GTPBP3: variants seen among roughly 807,000 people sequenced by gnomAD.
The protein encoded by GTPBP3 is GTP binding protein 3, mitochondrial.
GTPBP3 carries 35 observed loss-of-function variants against 42.0 expected under a neutral mutation model. The ratio of observed to expected loss-of-function variants is 0.83; its 90% CI spans 0.64 to 1.10. The LOEUF is 1.10. Ranked by LOEUF, GTPBP3 falls within the 50% of genes least tolerant of loss-of-function variation. GTPBP3 has a pLI of 0.00. For missense variants in GTPBP3, 691 were observed against 685.2 expected, an observed-to-expected ratio of 1.01 and a Z score of -0.09; for synonymous variants, 332 against 314.9, an observed-to-expected ratio of 1.05 and a Z score of -0.58.
chr19:17,340,696 CTCTT>C (rs2074420697), intron 7 of GTPBP3, among the ~76,000 whole-genome samples: 1 of 150,936 alleles, frequency 6.6e-6, no homozygotes, highest in African/African-American at 2.4e-5. Context: ...TGCTCTGCCC[CTCTT>C]GCTCTGCCCC....
chr19:17,336,849 C>G (rs2074372968), upstream of GTPBP3: 2 of 152,192 alleles, frequency 1.3e-5, no homozygotes, highest in African/African-American at 4.8e-5. Context: ...AGACAGAGAG[C>G]CAAGGAAGTC....
At chr19:17,341,396 C>A in intron 8 of GTPBP3, 74 bp downstream of exon 8, 1 of 1,555,754 alleles carries the variant, frequency 6.4e-7, no homozygotes, top group Non-Finnish European at 8.7e-7. Context: ...AATTTCTGAA[C>A]CTACAAAATG....
chr19:17,335,028 C>G, upstream of GTPBP3: 1 of 1,536,186 alleles, frequency 6.5e-7, no homozygotes, highest in Non-Finnish European at 8.7e-7. Context: ...AACTTGTCCC[C>G]ACCCATGCTT....
upstream of GTPBP3, chr19:17,337,155 G>A (rs2074375070): frequency 6.4e-6 from 1 of 156,918 alleles, no homozygotes; most frequent in African/African-American, 2.4e-5. Flanking sequence ...TGAACGTAAA[G>A]AGGTGTAGTC....
chr19:17,338,957 C>T lies in GTPBP3; in HGVS notation c.595C>T (p.Leu199=). The T allele has an allele frequency of 6.3e-7, 1 of 1,598,370 alleles. No individual in the cohort carries two copies. The highest frequency in any genetic ancestry group is 8.5e-7 in the Non-Finnish European group (1 of 1,170,464). Residue 199 remains leucine (L), a synonymous_variant, in exon 5 of 9, where the codon CTG becomes TTG. Transcript: ENST00000324894. The part of the protein sequence containing the change: ...RGWAETLTKA[L]AHVEAYIDFG... ...TCTGCTCTCCCTGCCCCGCCAGGCT[C>T]TGGCCCACGTGGAGGCCTATATCGA...
chr19:17,341,607 G>C lies in GTPBP3; in HGVS notation c.1383G>C (p.Leu461=). ...ACCTGGCCCTGGCGGCAGAGGCGCT[G>C]CGGGTGGCCCGGGGTCACCTGACCC... The part of the protein sequence containing the change: ...SKDLALAAEA[L]RVARGHLTRL... Residue 461 remains leucine (L), a synonymous_variant, in exon 9 of 9, where the codon CTG becomes CTC. Transcript: ENST00000324894. The C allele has an allele frequency of 6.2e-7, 1 of 1,613,916 alleles. No individual in the cohort carries two copies. Among genetic ancestry groups the C allele is most frequent in the South Asian group, 1.1e-5 (1 of 91,074 alleles).
rs62128107 is a variant in GTPBP3, at chr19:17,339,769, C to T, written c.974+170C>T. Among the ~76,000 whole-genome samples the T allele has an allele frequency of 0.12, 17,279 of 144,014 alleles. 1,183 individuals are homozygous for T. Among genetic ancestry groups the T allele is most frequent in the Middle Eastern group, 0.17 (48 of 278 alleles). 94.5% of individuals were successfully genotyped at this position (144,014 alleles called of 152,430 possible). ...TTTTTTTTTTTTTTTTACTCCGAGA[C>T]CGAGTCTTGCTCTGTCGCCCAGGCT... On this transcript the variant is annotated intron_variant, in intron 7 of 8. Coordinates refer to ENST00000324894, the MANE Select transcript of GTPBP3 (RefSeq NM_032620.4).
chr19:17,338,895 G>A (rs2145701621), intron 4 of GTPBP3, 59 bp from the exon 5 acceptor site: 2 of 1,549,464 alleles, frequency 1.3e-6, no homozygotes, highest in African/African-American at 1.4e-5. Flanking sequence ...GGACAAATTG[G>A]GTGTGGGAAG....
chr19:17,339,315 C>G (rs777142267), intron 6 of GTPBP3, 49 bp downstream of exon 6: 5 of 1,581,314 alleles, frequency 3.2e-6, no homozygotes, highest in Non-Finnish European at 4.3e-6. Context: ...GGGGCGGGGC[C>G]AAGAGCTGGG....
chr19:17,341,828 G>A lies in GTPBP3; in HGVS notation c.*125G>A. ...AAGAACTTGATTCTCAAATAGTGAA[G>A]CAACACAGCTGAGAGGTAGTGAGAT... On this transcript the variant is annotated 3_prime_UTR_variant, in exon 9 of 9. Coordinates refer to ENST00000324894, the MANE Select transcript of GTPBP3 (RefSeq NM_032620.4). 1 of 826,776 alleles carries A rather than the reference G, an allele frequency of 1.2e-6. No homozygotes were observed. Among genetic ancestry groups the A allele is most frequent in the South Asian group, 1.9e-5 (1 of 52,968 alleles). The allele number at this position is 826,776 out of a possible 1,614,324, so 51.2% of individuals were successfully genotyped here. A position where few individuals can be genotyped will look rare whatever the true frequency, so the allele number is the denominator to read the frequency against.
upstream of GTPBP3, chr19:17,335,057 G>T (rs1284535908): frequency 6.5e-7 from 1 of 1,536,048 alleles, no homozygotes; most frequent in Non-Finnish European, 8.7e-7. Flanking sequence ...TCCCCGCCTC[G>T]GAGCCTCAGT....
At chr19:17,338,857 C>T (rs2074396751) in intron 4 of GTPBP3, 97 bp from the exon 5 acceptor site, 4 of 1,533,548 alleles carry the variant, frequency 2.6e-6, no homozygotes, top group South Asian at 2.5e-5. Flanking sequence ...GGCCTATGAG[C>T]CGCCATTCTG....
At chr19:17,337,420 C>T (rs1039045615), upstream of GTPBP3, 20 of 1,175,790 alleles carry the variant, frequency 1.7e-5, no homozygotes, top group African/African-American at 3.2e-5. Context: ...GCCTCCCGCT[C>T]CCGCTCTCCC....
chr19:17,338,752 C>T lies in GTPBP3; in HGVS notation c.591+11C>T. ...GAGACCCTCACCAAAGCAAGTCCCC[C>T]ATTTGTCCATTCTCTCCCTCAGAGA... is the stretch of plus-strand genomic sequence containing the variant. On this transcript the variant is annotated intron_variant, in intron 4 of 8. Coordinates refer to ENST00000324894, the MANE Select transcript of GTPBP3 (RefSeq NM_032620.4). 2 of 1,598,128 alleles carry T rather than the reference C, an allele frequency of 1.3e-6. No homozygotes were observed. The highest frequency in any genetic ancestry group is 1.1e-5 in the South Asian group (1 of 88,930).
chr19:17,340,848 T>G, intron 7 of GTPBP3, 196 bp from the exon 8 acceptor site: 35 of 118,818 alleles, frequency 2.9e-4, no homozygotes, highest in East Asian at 7.4e-4. Context: ...GCCCCGCCCC[T>G]CTTGCTCTGC....
rs758905976 is a variant in GTPBP3 at position 17,338,407 on chromosome 19, T to G, written c.344T>G (p.Val115Gly). Reference sequence around the variant, plus strand: ...GGTGAGGACTGCGTGGAGTTCCACGTGCATGGAGGCCCGGCAGTGGTGAGC... The same window carrying G: ...GGTGAGGACTGCGTGGAGTTCCACGGGCATGGAGGCCCGGCAGTGGTGAGC... ...FTGEDCVEFH[V>G]HGGPAVVSGV... Residue 115 changes from valine to glycine, a missense_variant, in exon 3 of 9, where the codon GTG becomes GGG. Val to Gly is a moderately radical substitution (Grantham distance 109). Transcript: ENST00000324894. 1.2e-6 allele frequency: 2 copies of G among 1,614,186 alleles called. No homozygotes were observed. Among genetic ancestry groups the G allele is most frequent in the East Asian group, 4.5e-5 (2 of 44,876 alleles).
At chr19:17,340,950 C>A (rs1217853490) in intron 7 of GTPBP3, 94 bp from the exon 8 acceptor site, 6 of 1,412,774 alleles carry the variant, frequency 4.2e-6, no homozygotes, top group Non-Finnish European at 5.8e-6. Context: ...CGCAGCTCCC[C>A]CAGTGCTCTG....
upstream of GTPBP3, chr19:17,335,197 C>A (rs1343574699): frequency 2.0e-6 from 3 of 1,523,600 alleles, no homozygotes; most frequent in African/African-American, 4.1e-5. Context: ...ACTTCAACCA[C>A]CCCAGTAGGG....
upstream of GTPBP3, among the ~76,000 whole-genome samples, chr19:17,335,455 G>A (rs990354441): frequency 1.3e-5 from 2 of 152,140 alleles, no homozygotes; most frequent in African/African-American, 4.8e-5. Context: ...AGCTACTTGG[G>A]AGGCTGAGGC....
Sources: allele counts gnomAD v4.1 joint callset (sites outside exome capture counted in the v4.1 genomes callset), GRCh38; gene constraint gnomAD v4.1.1; transcripts MANE v1.5; gene names NCBI Gene and HGNC (gene_info 2026-07-23, HGNC 2026-07-21).